TMPRSS5: variants seen among roughly 807,000 people sequenced by gnomAD.
The protein encoded by TMPRSS5 is transmembrane serine protease 5.
Under a neutral mutation model 59.7 loss-of-function variants are expected in TMPRSS5, and 45 were observed. The ratio of observed to expected loss-of-function variants is 0.75; its 90% confidence interval spans 0.59 to 0.97. The LOEUF (loss-of-function observed/expected upper bound fraction) is 0.97, where lower values mean the gene tolerates loss of function less well. Ranked by LOEUF, TMPRSS5 falls within the 50% of genes least tolerant of loss-of-function variation. TMPRSS5 has a pLI of 0.00. For missense variants in TMPRSS5, 585 were observed against 596.7 expected, an observed-to-expected ratio of 0.98 and a Z score of 0.20; for synonymous variants, 225 against 232.0, an observed-to-expected ratio of 0.97 and a Z score of 0.27.
At position 113,699,633 on chromosome 11, in the gene TMPRSS5, C is replaced by G; in HGVS notation, c.167G>C (p.Gly56Ala). The G allele has an allele frequency of 6.3e-6, 10 of 1,585,026 alleles. No homozygotes were observed. Among genetic ancestry groups the G allele is most frequent in the Non-Finnish European group, 8.6e-6 (10 of 1,166,138 alleles). ...GCCAACACCTGCACCGGCCAGCAGC[C>G]CCAGGGCTCCCAGCACTGCACAGCC... ...RRGCAVLGAL[G>A]LLAGAGVGSW... The change falls in exon 3 of 13, where the codon GGG becomes GCG. Residue 56 changes from glycine to alanine, a missense_variant. Transcript: ENST00000299882.
intron 3 of TMPRSS5, 97 bp downstream of exon 3, chr11:113,699,498 G>A (rs1214605300): frequency 1.5e-5 from 15 of 995,338 alleles, no homozygotes; most frequent in Non-Finnish European, 2.3e-5. Flanking sequence ...CAGAGTAGTT[G>A]AGGAAGACAG....
intron 1 of TMPRSS5, among the ~76,000 whole-genome samples, chr11:113,700,678 C>T (rs1591389371): frequency 6.6e-6 from 1 of 152,256 alleles, no homozygotes; most frequent in South Asian, 2.1e-4. Flanking sequence ...CAACGTGGAC[C>T]ACTCCCCACT....
In TMPRSS5 at chr11:113,694,533, CA is replaced by C. The variant is rs1952872384; in HGVS notation, c.729del (p.Cys243TrpfsTer6). On this transcript the variant is annotated frameshift_variant, in exon 8 of 13. Transcript: ENST00000299882. LOFTEE classifies it high-confidence loss of function. ...CAGCGTGGCGCTAGCACAGAGCCCC[CA>C]CACGTGTGCCGGAAGCCCAGGGCCA... is the stretch of plus-strand genomic sequence containing the variant. The part of the protein sequence containing the change: ...ASVALGFRHT[C>X]GGSVLAPRWV... 6.4e-7 allele frequency: 1 copy of C among 1,561,352 alleles called. No homozygotes were observed. The highest frequency in any genetic ancestry group is 8.7e-7 in the Non-Finnish European group (1 of 1,152,628).
chr11:113,699,258 T>TCTCTCC (rs1953038224), intron 3 of TMPRSS5, among the ~76,000 whole-genome samples: 5 of 51,826 alleles, frequency 9.6e-5, no homozygotes, highest in African/African-American at 5.1e-4. Flanking sequence ...TCTCTCTCTC[T>TCTCTCC]CTCTCTCTCT....
At position 113,690,839 on chromosome 11, in the gene TMPRSS5, A is replaced by G. The variant is rs1433576890; in HGVS notation, c.1063+2T>C. 1 of 1,582,248 alleles carries G rather than the reference A, an allele frequency of 6.3e-7. No homozygotes were observed. Among genetic ancestry groups the G allele is most frequent in the Non-Finnish European group, 8.6e-7 (1 of 1,164,864 alleles). On this transcript the variant is annotated splice_donor_variant, in intron 10 of 12. Coordinates refer to ENST00000299882, the MANE Select transcript of TMPRSS5 (RefSeq NM_030770.4). LOFTEE classifies it high-confidence loss of function. ...CACCGAGGGCCCAGGGAGCTGACTC[A>G]CTATGGCTAGGGTGGGTGTGGCCCC...
Position 113,706,272 on chromosome 11 carries a change from T to C in TMPRSS5, c.-48A>G. ...AAGCCTCAGGGTCTACTAGGCAATG[T>C]TCCGCTCCTGTTCTCAGGCCAGCAT... On this transcript the variant is annotated 5_prime_UTR_variant, in exon 1 of 13. Transcript: ENST00000299882. 1 of 1,593,120 alleles carries C rather than the reference T, an allele frequency of 6.3e-7. No individual in the cohort carries two copies.
chr11:113,699,268 T>TCCC (rs1953043195), intron 3 of TMPRSS5, among the ~76,000 whole-genome samples: 1 of 66,730 alleles, frequency 1.5e-5, no homozygotes, highest in Non-Finnish European at 2.9e-5. Flanking sequence ...TCTCTCTCTC[T>TCCC]CTCCCTCTCT....
intron 11 of TMPRSS5, 55 bp downstream of exon 11, chr11:113,690,176 G>GCCCCCCCCCCCCCCCCTCC: frequency 2.6e-6 from 1 of 388,230 alleles, no homozygotes; most frequent in Non-Finnish European, 4.2e-6. Context: ...CAGGCCCCCT[G>GCCCCCCCCCCCCCCCCTCC]CCCTCCCACC....
chr11:113,689,720 G>T (rs1274089634), intron 12 of TMPRSS5, 45 bp downstream of exon 12: 1 of 1,580,940 alleles, frequency 6.3e-7, no homozygotes. Context: ...TTCGAGGGCA[G>T]GTCCTTTAGA....
chr11:113,690,965 C>T (rs1483861550), intron 9 of TMPRSS5, 26 bp from the exon 10 acceptor site: 2 of 1,557,876 alleles, frequency 1.3e-6, no homozygotes, highest in Non-Finnish European at 1.7e-6. Flanking sequence ...TGGTCCTGGT[C>T]CCCAGTCAGG....
rs1266861397 is a variant in TMPRSS5 at position 113,688,238 on chromosome 11, A to T, written c.*22T>A. 6.3e-6 allele frequency: 10 copies of T among 1,577,118 alleles called. No individual in the cohort carries two copies. The highest frequency in any genetic ancestry group is 8.6e-6 in the Non-Finnish European group (10 of 1,161,574). ...AAGCATGAGGCAGTGGTGTGCAGTG[A>T]GACTGGAGGAAACAGCAGGACTCAG... On this transcript the variant is annotated 3_prime_UTR_variant, in exon 13 of 13. Coordinates refer to ENST00000299882, the MANE Select transcript of TMPRSS5 (RefSeq NM_030770.4).
rs1283176112 is a variant in TMPRSS5, at chr11:113,696,860, G to A, written c.576C>T (p.Pro192=). Residue 192 remains proline, a splice_region_variant and synonymous_variant, in exon 6 of 13, where the codon CCC becomes CCT. Transcript: ENST00000299882. ...LGGFLEEAWQ[P]RNNCTSGQVV... ...CCTAACAGCCTCAGTAGTCCTACCT[G>A]GGCTGCCACGCCTCCTCCAGGAAGC... The A allele has an allele frequency of 9.0e-6, 14 of 1,557,814 alleles. No individual in the cohort carries two copies. In the Admixed American group the frequency reaches 1.7e-4, roughly 19 times the overall value.
intron 1 of TMPRSS5, among the ~76,000 whole-genome samples, chr11:113,701,836 G>T (rs1297463625): frequency 2.6e-5 from 4 of 151,504 alleles, no homozygotes; most frequent in Admixed American, 6.6e-5. Flanking sequence ...CACAGAACTT[G>T]CAGGTTTGTT....
At chr11:113,692,319 C>T (rs1421279819) in intron 9 of TMPRSS5, among the ~76,000 whole-genome samples, 2 of 152,028 alleles carry the variant, frequency 1.3e-5, no homozygotes, top group Admixed American at 1.3e-4. Context: ...TATATGTGAA[C>T]GTATATGTGT....
At chr11:113,701,652 C>G (rs371771846) in intron 1 of TMPRSS5, among the ~76,000 whole-genome samples, 1 of 152,108 alleles carries the variant, frequency 6.6e-6, no homozygotes, top group African/African-American at 2.4e-5. Context: ...TTTCCTTCTG[C>G]CTTTTTGCAG....
Position 113,688,174 on chromosome 11 carries a change from T to C in TMPRSS5, c.*86A>G. ...CCATGCGTTCTGTGTCGGAGGCTAC[T>C]GCCTCTCCTCCATTAGTGGAGCTGC... On this transcript the variant is annotated 3_prime_UTR_variant, in exon 13 of 13. Transcript: ENST00000299882. The C allele has an allele frequency of 1.3e-6, 2 of 1,522,620 alleles. No homozygotes were observed. The highest frequency in any genetic ancestry group is 2.2e-5 in the Admixed American group (1 of 45,960). 94.3% of individuals were successfully genotyped at this position (1,522,620 alleles called of 1,614,324 possible).
chr11:113,699,477 C>T, intron 3 of TMPRSS5, 118 bp downstream of exon 3: 2 of 812,978 alleles, frequency 2.5e-6, no homozygotes, highest in Non-Finnish European at 3.9e-6. Context: ...CCCTTTCTCC[C>T]CTTGTCTGCA....
At chr11:113,690,998 C>T (rs775804242) in intron 9 of TMPRSS5, 59 bp from the exon 10 acceptor site, 34 of 1,491,818 alleles carry the variant, frequency 2.3e-5, no homozygotes, top group Non-Finnish European at 2.9e-5. Context: ...CACTGCAGAG[C>T]CTGGGCGAAG....
At chr11:113,692,417 C>T (rs1001239962) in intron 9 of TMPRSS5, among the ~76,000 whole-genome samples, 17 of 152,074 alleles carry the variant, frequency 1.1e-4, no homozygotes, top group Admixed American at 2.0e-4. Context: ...TGAATGCTCA[C>T]GTGTGAGTCT....
Sources: gnomAD v4.1 joint callset for allele counts (sites outside exome capture counted in the v4.1 genomes callset) on GRCh38, gnomAD v4.1.1 for gene constraint, MANE v1.5 for transcripts, NCBI Gene and HGNC (gene_info 2026-07-23, HGNC 2026-07-21) for gene names.